NRXN3: variants seen among roughly 807,000 people sequenced by gnomAD.
NRXN3 encodes neurexin 3, also known as neurexin III.
NRXN3 carries 32 observed loss-of-function variants against 137.6 expected under a neutral mutation model. The ratio of observed to expected loss-of-function variants is 0.23; its 90% CI spans 0.18 to 0.31. The LOEUF (loss-of-function observed/expected upper bound fraction) is 0.31. Among genes scored for constraint, NRXN3 ranks in the 10% least tolerant of loss-of-function variants. NRXN3 has a pLI of 1.00. For synonymous variants in NRXN3, 798 were observed against 784.5 expected, an observed-to-expected ratio of 1.02 and a Z score of -0.29; for missense variants, 1,574 against 2,062.5, an observed-to-expected ratio of 0.76 and a Z score of 4.59.
intron 4 of NRXN3, among the ~76,000 whole-genome samples, chr14:78,542,683 C>T (rs527714518): frequency 6.6e-6 from 1 of 152,210 alleles, no homozygotes; most frequent in Non-Finnish European, 1.5e-5. Flanking sequence ...GCTTGCCCTC[C>T]ATGGGCTACA....
intron 15 of NRXN3, among the ~76,000 whole-genome samples, chr14:79,221,619 A>C (rs2069699165): frequency 6.6e-6 from 1 of 151,862 alleles, no homozygotes; most frequent in Non-Finnish European, 1.5e-5. Flanking sequence ...TTCTTGTAAA[A>C]TTTTTAATGT....
At chr14:78,521,176 A>C (rs2096278789) in intron 4 of NRXN3, among the ~76,000 whole-genome samples, 1 of 152,118 alleles carries the variant, frequency 6.6e-6, no homozygotes, top group African/African-American at 2.4e-5. Context: ...CTCTTCCTCT[A>C]TCCCCACTCT....
At chr14:79,714,236 A>G (rs2098815986) in intron 19 of NRXN3, among the ~76,000 whole-genome samples, 2 of 152,212 alleles carry the variant, frequency 1.3e-5, no homozygotes, top group Admixed American at 6.5e-5. Flanking sequence ...TAGGAATTAT[A>G]TATACACACA....
At chr14:79,268,191 A>C (rs1598089848) in intron 15 of NRXN3, among the ~76,000 whole-genome samples, 1 of 151,952 alleles carries the variant, frequency 6.6e-6, no homozygotes, top group African/African-American at 2.4e-5. Flanking sequence ...CAGATTTGTC[A>C]TTTTTTTTAG....
chr14:78,929,939 A>C (rs1001643915), intron 10 of NRXN3, among the ~76,000 whole-genome samples: 10 of 152,196 alleles, frequency 6.6e-5, no homozygotes, highest in Non-Finnish European at 1.5e-4. Flanking sequence ...CTTAGCTGAA[A>C]CAGTACCTGT....
chr14:79,679,520 T>C (rs1451883612), intron 17 of NRXN3, among the ~76,000 whole-genome samples: 2 of 152,202 alleles, frequency 1.3e-5, no homozygotes, highest in African/African-American at 2.4e-5. Context: ...GTTTGTTGGA[T>C]ACCTGCCATC....
intron 15 of NRXN3, among the ~76,000 whole-genome samples, chr14:79,102,918 G>A (rs1306853587): frequency 6.6e-6 from 1 of 152,176 alleles, no homozygotes; most frequent in African/African-American, 2.4e-5. Flanking sequence ...ATTTGTGAGT[G>A]CCTACAATGG....
chr14:78,463,914 T>G (rs1017016152), intron 4 of NRXN3, among the ~76,000 whole-genome samples: 5 of 151,900 alleles, frequency 3.3e-5, no homozygotes, highest in Admixed American at 6.6e-5. Context: ...TTGTTCAGTA[T>G]TGCCCCTTTG....
At chr14:78,637,680 A>G (rs1254793489) in intron 4 of NRXN3, among the ~76,000 whole-genome samples, 1 of 152,232 alleles carries the variant, frequency 6.6e-6, no homozygotes, top group Non-Finnish European at 1.5e-5. Context: ...TGTCTGATTG[A>G]AAGCTTTTCT....
At position 78,693,493 on chromosome 14, in the gene NRXN3, A is replaced by T. The variant is rs936867666; in HGVS notation, c.1222-15724A>T. Among the ~76,000 whole-genome samples, 4 of 151,844 alleles carry T rather than the reference A, an allele frequency of 2.6e-5. No homozygotes were observed. In the East Asian group the frequency reaches 5.8e-4, roughly 22 times the overall value. On this transcript the variant is annotated intron_variant, in intron 6 of 20. Coordinates refer to ENST00000335750, the MANE Select transcript of NRXN3 (RefSeq NM_001330195.2). Reference sequence around the variant, plus strand: ...TTTGTACTTAAGACTATGATTTGGTATGAGCCAGTTTTATCAATTTAATCA... The same window carrying T: ...TTTGTACTTAAGACTATGATTTGGTTTGAGCCAGTTTTATCAATTTAATCA...
chr14:79,221,524 A>G (rs897961183), intron 15 of NRXN3, among the ~76,000 whole-genome samples: 1 of 151,886 alleles, frequency 6.6e-6, no homozygotes, highest in Admixed American at 6.6e-5. Flanking sequence ...GCATTTTTTC[A>G]TGTTTGTTGG....
At chr14:78,950,333 A>G (rs1372947148) in intron 10 of NRXN3, among the ~76,000 whole-genome samples, 2 of 152,132 alleles carry the variant, frequency 1.3e-5, no homozygotes, top group African/African-American at 4.8e-5. Flanking sequence ...TTGGCAATAC[A>G]TTGGGGACAA....
intron 4 of NRXN3, among the ~76,000 whole-genome samples, chr14:78,466,483 G>A (rs184141215): frequency 6.6e-6 from 1 of 152,320 alleles, no homozygotes; most frequent in African/African-American, 2.4e-5. Flanking sequence ...TGAATGTTGA[G>A]AAGTGAGCTA....
chr14:78,312,460 A>G (rs2078084180), intron 4 of NRXN3, among the ~76,000 whole-genome samples: 1 of 152,174 alleles, frequency 6.6e-6, no homozygotes. Flanking sequence ...TGCAATAAAG[A>G]TGAGCTGTGA....
chr14:78,316,468 T>C (rs985687255), intron 4 of NRXN3, among the ~76,000 whole-genome samples: 1 of 152,190 alleles, frequency 6.6e-6, no homozygotes, highest in African/African-American at 2.4e-5. Flanking sequence ...GGCAGCCACT[T>C]TTCTTAACTT....
intron 4 of NRXN3, among the ~76,000 whole-genome samples, chr14:78,456,532 A>G (rs570766660): frequency 1.3e-5 from 2 of 152,312 alleles, no homozygotes; most frequent in East Asian, 3.9e-4. Flanking sequence ...CTAGCGTACT[A>G]TGCTGTCTTC....
At chr14:79,548,770 A>T (rs2097346216) in intron 16 of NRXN3, among the ~76,000 whole-genome samples, 1 of 151,774 alleles carries the variant, frequency 6.6e-6, no homozygotes, top group Admixed American at 6.6e-5. Flanking sequence ...AACAAAAAAA[A>T]TCATGTTCCC....
At chr14:78,834,857 G>A (rs868500285) in intron 10 of NRXN3, among the ~76,000 whole-genome samples, 4 of 152,066 alleles carry the variant, frequency 2.6e-5, no homozygotes, top group African/African-American at 9.7e-5. Flanking sequence ...ATAAAGAACC[G>A]ACATACAGCC....
chr14:78,691,133 A>C (rs987196487), intron 6 of NRXN3, among the ~76,000 whole-genome samples: 3 of 152,182 alleles, frequency 2.0e-5, no homozygotes, highest in African/African-American at 7.2e-5. Context: ...GAGTGAGAGA[A>C]ATGCCAGCTA....
Sources: allele counts gnomAD v4.1 joint callset (sites outside exome capture counted in the v4.1 genomes callset), GRCh38; gene constraint gnomAD v4.1.1; transcripts MANE v1.5; gene names NCBI Gene and HGNC (gene_info 2026-07-23, HGNC 2026-07-21).